The following ELP4 variants were observed in gnomAD, a reference collection of about 807,000 sequenced individuals.
ELP4 encodes elongator acetyltransferase complex subunit 4, also known as elongator complex protein 4.
A neutral mutation model predicts 48.9 loss-of-function variants in ELP4; 51 were observed. That is an observed-to-expected ratio of 1.04 (90% CI 0.83 to 1.32). The LOEUF (loss-of-function observed/expected upper bound fraction) is 1.32. Among genes scored for constraint, ELP4 ranks in the 40% most tolerant of loss-of-function variants. The pLI is 0.00. For missense variants in ELP4, 519 were observed against 514.6 expected (o/e 1.01, Z -0.08); for synonymous variants, 210 against 189.2 (o/e 1.11, Z -0.90).
At chr11:31,563,492 C>A (rs184439948) in intron 3 of ELP4, among the ~76,000 whole-genome samples, 52 of 152,118 alleles carry the variant, frequency 3.4e-4, no homozygotes, top group African/African-American at 1.2e-3. Flanking sequence ...TTTACAGCAT[C>A]TTATGGATAA....
intron 9 of ELP4, among the ~76,000 whole-genome samples, chr11:31,668,363 A>G (rs1428617884): frequency 6.6e-6 from 1 of 152,140 alleles, no homozygotes; most frequent in Non-Finnish European, 1.5e-5. Flanking sequence ...TATTCCTCAG[A>G]CTACTTTTTT....
chr11:31,625,962 G>C (rs1213905392), intron 5 of ELP4, among the ~76,000 whole-genome samples: 1 of 151,804 alleles, frequency 6.6e-6, no homozygotes, highest in Admixed American at 6.6e-5. Flanking sequence ...ATGAGAAATA[G>C]CCAAAGTACC....
At chr11:31,681,101 T>C (rs562464352) in intron 9 of ELP4, among the ~76,000 whole-genome samples, 3 of 152,306 alleles carry the variant, frequency 2.0e-5, no homozygotes, top group African/African-American at 7.2e-5. Context: ...AACTTCTATT[T>C]TTGTAAAAAT....
intron 5 of ELP4, 118 bp downstream of exon 5, chr11:31,604,025 G>A: frequency 2.9e-6 from 2 of 700,152 alleles, no homozygotes; most frequent in Non-Finnish European, 4.2e-6. Context: ...ATAAATATTA[G>A]TTTTCTATAT....
At chr11:31,629,096 G>A (rs1944807123) in intron 6 of ELP4, among the ~76,000 whole-genome samples, 1 of 151,978 alleles carries the variant, frequency 6.6e-6, no homozygotes, top group Non-Finnish European at 1.5e-5. Context: ...AAGTAAAGTA[G>A]TGTAGCTCAT....
intron 7 of ELP4, among the ~76,000 whole-genome samples, chr11:31,641,230 C>CTGTT (rs1250538519): frequency 6.6e-6 from 1 of 151,806 alleles, no homozygotes; most frequent in Non-Finnish European, 1.5e-5. Flanking sequence ...CTGTGACATG[C>CTGTT]TGTTTCCTTG....
chr11:31,789,554 C>T lies in ELP4; in HGVS notation c.*6030C>T. ...TAAAACTCTTAAATTCGTGGCAAAG[C>T]TTGTTGATCATGGTTTTCTTTTTAA... On this transcript the variant is annotated 3_prime_UTR_variant, in exon 10 of 10. Transcript: ENST00000640961. 1.7e-6 allele frequency: 1 copy of T among 600,178 alleles called. No homozygotes were observed. Among genetic ancestry groups the T allele is most frequent in the Non-Finnish European group, 2.9e-6 (1 of 342,316 alleles). 37.2% of individuals were successfully genotyped at this position (600,178 alleles called of 1,614,324 possible). A position where few individuals can be genotyped will look rare whatever the true frequency, so the allele number is the denominator to read the frequency against.
chr11:31,786,793 T>C lies in ELP4; in HGVS notation c.*3269T>C, dbSNP rs1186904015. 4.5e-6 allele frequency: 1 copy of C among 220,338 alleles called. No homozygotes were observed. Among genetic ancestry groups the C allele is most frequent in the Non-Finnish European group, 9.1e-6 (1 of 109,908 alleles). 13.6% of individuals were successfully genotyped at this position (220,338 alleles called of 1,614,324 possible). ...AAAATATTCTAGAAATTCATTGCAGTAAAATGCATTTTTTTACTTAGAGCA... is the reference window on the plus strand; with the variant it reads ...AAAATATTCTAGAAATTCATTGCAGCAAAATGCATTTTTTTACTTAGAGCA... On this transcript the variant is annotated 3_prime_UTR_variant, in exon 10 of 10. Transcript: ENST00000640961.
intron 5 of ELP4, among the ~76,000 whole-genome samples, chr11:31,615,906 T>C (rs977322400): frequency 6.6e-6 from 1 of 152,146 alleles, no homozygotes; most frequent in Admixed American, 6.6e-5. Context: ...TTATATTGAC[T>C]TCATGGGGAT....
At chr11:31,782,621 A>G (rs1165373152) in intron 9 of ELP4, among the ~76,000 whole-genome samples, 2 of 151,140 alleles carry the variant, frequency 1.3e-5, no homozygotes, top group Non-Finnish European at 3.0e-5. Flanking sequence ...AACTTCTGTA[A>G]TTGTGGTCAG....
chr11:31,685,701 G>GA (rs1259052421), intron 9 of ELP4, among the ~76,000 whole-genome samples: 4 of 152,172 alleles, frequency 2.6e-5, no homozygotes, highest in Admixed American at 6.5e-5. Context: ...GGGAGGCCAG[G>GA]CGCGCAGATC....
At chr11:31,517,612 A>G (rs1330179199) in intron 1 of ELP4, among the ~76,000 whole-genome samples, 1 of 151,948 alleles carries the variant, frequency 6.6e-6, no homozygotes, top group African/African-American at 2.4e-5. Flanking sequence ...CAGTTGTCCA[A>G]CAACTTTGAG....
intron 9 of ELP4, among the ~76,000 whole-genome samples, chr11:31,770,687 A>C (rs1948123506): frequency 6.6e-6 from 1 of 151,920 alleles, no homozygotes; most frequent in African/African-American, 2.4e-5. Context: ...AGGCCAAGGC[A>C]AGAGGATTAC....
At chr11:31,564,379 T>G (rs1957070629) in intron 3 of ELP4, among the ~76,000 whole-genome samples, 1 of 134,604 alleles carries the variant, frequency 7.4e-6, no homozygotes, top group Non-Finnish European at 1.5e-5. Context: ...ATTCATTTTC[T>G]TTTTTTTTTT....
intron 9 of ELP4, among the ~76,000 whole-genome samples, chr11:31,728,183 ATTGAAGGG>A (rs1565129153): frequency 6.6e-6 from 1 of 152,190 alleles, no homozygotes; most frequent in African/African-American, 2.4e-5. Context: ...TACGTAATCT[ATTGAAGGG>A]TTGTTACCTC....
intron 3 of ELP4, among the ~76,000 whole-genome samples, chr11:31,567,870 G>A (rs1452807774): frequency 6.6e-6 from 1 of 152,188 alleles, no homozygotes; most frequent in African/African-American, 2.4e-5. Flanking sequence ...CTTGTTGCTG[G>A]TATAGAGTCT....
chr11:31,623,390 T>TATATATATATATATATA (rs67986763), intron 5 of ELP4, among the ~76,000 whole-genome samples: 22 of 92,562 alleles, frequency 2.4e-4, no homozygotes, highest in Admixed American at 1.1e-3. Flanking sequence ...TATATATATA[T>TATATATATATATATATA]AAAACTAGAA....
chr11:31,551,935 C>A (rs1956860731), intron 3 of ELP4, among the ~76,000 whole-genome samples: 1 of 152,076 alleles, frequency 6.6e-6, no homozygotes, highest in South Asian at 2.1e-4. Context: ...GATTTCTAAC[C>A]TAGTAACAAA....
At chr11:31,653,828 C>T (rs1945374322) in intron 9 of ELP4, 1 of 151,698 alleles carries the variant, frequency 6.6e-6, no homozygotes, top group Non-Finnish European at 1.5e-5. Context: ...ACTGGTTAAA[C>T]TTGCATTTCT....
Sources: gnomAD v4.1 joint callset for allele counts (sites outside exome capture counted in the v4.1 genomes callset) on GRCh38, gnomAD v4.1.1 for gene constraint, MANE v1.5 for transcripts, NCBI Gene and HGNC (gene_info 2026-07-23, HGNC 2026-07-21) for gene names.